Variants in ABCG5 observed in about 807,000 individuals in gnomAD.
The protein encoded by ABCG5 is ATP binding cassette subfamily G member 5.
In ABCG5, 64 loss-of-function variants were observed where a neutral mutation model predicts 64.5. The ratio of observed to expected loss-of-function variants is 0.99; its 90% confidence interval spans 0.81 to 1.22. The LOEUF is 1.22. Ranked by LOEUF, ABCG5 falls within the 50% of genes most tolerant of loss-of-function variation. The pLI is 0.00. For missense variants in ABCG5, 908 were observed against 829.5 expected, an observed-to-expected ratio of 1.09 and a Z score of -1.16; for synonymous variants, 385 against 326.3, an observed-to-expected ratio of 1.18 and a Z score of -1.94.
downstream of ABCG5, among the ~76,000 whole-genome samples, chr2:43,811,268 C>T (rs1666470942): frequency 6.6e-6 from 1 of 152,174 alleles, no homozygotes; most frequent in African/African-American, 2.4e-5. Flanking sequence ...ACACCATAAT[C>T]ATCCATGTCA....
chr2:43,825,601 GTTGTTA>G (rs1465510845), intron 6 of ABCG5, among the ~76,000 whole-genome samples: 2 of 150,324 alleles, frequency 1.3e-5, no homozygotes, highest in Non-Finnish European at 3.0e-5. Context: ...TTGTTGTTTT[GTTGTTA>G]TTGTTGTTGT....
intron 11 of ABCG5, 138 bp from the exon 12 acceptor site, chr2:43,814,727 A>G: frequency 1.7e-6 from 1 of 593,326 alleles, no homozygotes; most frequent in Non-Finnish European, 3.0e-6. Context: ...TGCTCACTAT[A>G]AAAAAACCTT....
chr2:43,832,301 C>T, intron 2 of ABCG5: 1 of 627,984 alleles, frequency 1.6e-6, no homozygotes, highest in Non-Finnish European at 2.8e-6. Flanking sequence ...TCTGGATTGT[C>T]CCCTGAGTGA....
At chr2:43,815,213 C>T (rs919453229) in intron 11 of ABCG5, among the ~76,000 whole-genome samples, 1 of 152,208 alleles carries the variant, frequency 6.6e-6, no homozygotes, top group Non-Finnish European at 1.5e-5. Context: ...TATGTCTCCT[C>T]TCCAATCTAT....
Position 43,838,817 on chromosome 2 carries a change from C to G in ABCG5, c.-138G>C. On this transcript the variant is annotated 5_prime_UTR_variant, in exon 1 of 13. Coordinates refer to ENST00000405322, the MANE Select transcript of ABCG5 (RefSeq NM_022436.3). This position sits in a 1 kb window ranked among gnomAD's most constrained non-coding sequence, Gnocchi z 4.2. Reference sequence around the variant, plus strand: ...GTCCCTTGGGACAGCAGGACTGGGACTTGGCCACGGAGACCATTATCTGAT... The same window carrying G: ...GTCCCTTGGGACAGCAGGACTGGGAGTTGGCCACGGAGACCATTATCTGAT... 1 of 1,495,378 alleles carries G rather than the reference C, an allele frequency of 6.7e-7. No homozygotes were observed. Among genetic ancestry groups the G allele is most frequent in the East Asian group, 2.5e-5 (1 of 40,452 alleles). 92.6% of individuals were successfully genotyped at this position (1,495,378 alleles called of 1,614,324 possible). A position where few individuals can be genotyped will look rare whatever the true frequency, so the allele number is the denominator to read the frequency against.
chr2:43,826,255 C>A, intron 6 of ABCG5, 127 bp downstream of exon 6: 4 of 1,436,814 alleles, frequency 2.8e-6, no homozygotes, highest in Non-Finnish European at 3.8e-6. Flanking sequence ...CTGCCTCAGC[C>A]TCCCAAAGTG....
chr2:43,826,112 A>T (rs1305977124), intron 6 of ABCG5, among the ~76,000 whole-genome samples: 1 of 151,350 alleles, frequency 6.6e-6, no homozygotes, highest in Non-Finnish European at 1.5e-5. Context: ...AGTAGCTGGG[A>T]CCACAGATAT....
downstream of ABCG5, among the ~76,000 whole-genome samples, chr2:43,809,115 A>G (rs1666386047): frequency 6.6e-6 from 1 of 151,982 alleles, no homozygotes. Context: ...CAGACTCCCA[A>G]GTAGCTGGGA....
chr2:43,837,315 C>A (rs1393764029), intron 2 of ABCG5, among the ~76,000 whole-genome samples: 2 of 151,378 alleles, frequency 1.3e-5, no homozygotes, highest in Non-Finnish European at 2.9e-5. Context: ...GAGATGGGGT[C>A]CCACTATGTT....
chr2:43,806,447 G>A, the ABCG5 span, among the ~76,000 whole-genome samples: 3 of 152,038 alleles, frequency 2.0e-5, no homozygotes, highest in African/African-American at 7.3e-5. Context: ...TTATGTAAAC[G>A]GTCCAGAAGA....
chr2:43,828,192 G>A, intron 4 of ABCG5, 77 bp from the exon 5 acceptor site: 1 of 1,603,044 alleles, frequency 6.2e-7, no homozygotes, highest in South Asian at 1.1e-5. Flanking sequence ...GGGAGGACAT[G>A]AAAGAGGCAG....
In ABCG5 at chr2:43,827,975, C is replaced by T; in HGVS notation, c.634+8G>A. On this transcript the variant is annotated splice_region_variant and intron_variant, in intron 5 of 12. Transcript: ENST00000405322. ...CAGCAGCTAGTAACAGTTCTGGGTG[C>T]CACTTACTAGGATCCTGGAGCAGCT... The T allele has an allele frequency of 6.2e-7, 1 of 1,613,868 alleles. No individual in the cohort carries two copies. The highest frequency in any genetic ancestry group is 8.5e-7 in the Non-Finnish European group (1 of 1,179,978).
chr2:43,820,131 T>C, intron 10 of ABCG5, 31 bp from the exon 11 acceptor site: 1 of 1,603,328 alleles, frequency 6.2e-7, no homozygotes, highest in Non-Finnish European at 8.5e-7. Context: ...TAGTTTCCTC[T>C]CCAAGGGCTA....
At chr2:43,835,180 T>G (rs1386538643) in intron 2 of ABCG5, among the ~76,000 whole-genome samples, 1 of 152,174 alleles carries the variant, frequency 6.6e-6, no homozygotes, top group South Asian at 2.1e-4. Context: ...ATCAGCCCAC[T>G]CCCCCACCCC....
intron 5 of ABCG5, among the ~76,000 whole-genome samples, chr2:43,827,215 C>G (rs1316174636): frequency 6.6e-6 from 1 of 151,868 alleles, no homozygotes; most frequent in East Asian, 1.9e-4. Context: ...ATCCCAGCTA[C>G]TCAGGAGGCT....
rs1441999437 is a variant in ABCG5 at position 43,837,857 on chromosome 2, A to G, written c.242T>C (p.Ile81Thr). ...ACCTGAGCTTCCTAGGATGCACATGATCTGCCCGCTCTCCACGTACAAGGA... is the reference window on the plus strand; with the variant it reads ...ACCTGAGCTTCCTAGGATGCACATGGTCTGCCCGCTCTCCACGTACAAGGA... The part of the protein sequence containing the change: ...DVSLYVESGQ[I>T]MCILGSSGSG... Residue 81 changes from isoleucine (I) to threonine (T), a missense_variant, in exon 2 of 13, where the codon ATC (isoleucine) becomes ACC (threonine). Physicochemically the swap from Ile to Thr is moderately conservative, Grantham distance 89 (BLOSUM62 -1). Transcript: ENST00000405322. 3.7e-6 allele frequency: 6 copies of G among 1,613,958 alleles called. No homozygotes were observed. Among genetic ancestry groups the G allele is most frequent in the Middle Eastern group, 1.6e-4 (1 of 6,082 alleles).
chr2:43,829,139 T>C (rs972906515), intron 4 of ABCG5, among the ~76,000 whole-genome samples: 1 of 152,222 alleles, frequency 6.6e-6, no homozygotes, highest in Non-Finnish European at 1.5e-5. Context: ...CCCAAATTCA[T>C]GATTACAATA....
At chr2:43,810,567 C>G (rs1218237130), downstream of ABCG5, 5 of 954,728 alleles carry the variant, frequency 5.2e-6, no homozygotes, top group Non-Finnish European at 2.5e-6. Flanking sequence ...ATTCTATGTT[C>G]TTCCATGTCC....
Position 43,812,822 on chromosome 2 carries a change from A to T in ABCG5, c.*294T>A. The stretch of plus-strand genomic sequence containing the variant: ...TCTGTGCCTAGAACAAGGAAAAAAA[A>T]TAGTCACACGAGTCTCCCATAGGTT... On this transcript the variant is annotated 3_prime_UTR_variant, in exon 13 of 13. Coordinates refer to ENST00000405322, the MANE Select transcript of ABCG5 (RefSeq NM_022436.3). 2.8e-6 allele frequency: 1 copy of T among 352,166 alleles called. No homozygotes were observed. Among genetic ancestry groups the T allele is most frequent in the Admixed American group, 4.4e-5 (1 of 22,766 alleles). The allele number at this position is 352,166 out of a possible 1,614,324, so 21.8% of individuals were successfully genotyped here.
Sources: allele counts gnomAD v4.1 joint callset (sites outside exome capture counted in the v4.1 genomes callset), GRCh38; gene constraint gnomAD v4.1.1; non-coding constraint Gnocchi (gnomAD v3.1); transcripts MANE v1.5; gene names NCBI Gene and HGNC (gene_info 2026-07-23, HGNC 2026-07-21).